The following PTPRD variants were observed in gnomAD, a reference collection of about 807,000 sequenced individuals.
PTPRD encodes receptor-type tyrosine-protein phosphatase delta.
Under a neutral mutation model 214.5 loss-of-function variants are expected in PTPRD, and 34 were observed. That is an observed-to-expected ratio of 0.16 (90% CI 0.12 to 0.21). The LOEUF (loss-of-function observed/expected upper bound fraction) is 0.21, where lower values mean the gene tolerates loss of function less well. Among genes scored for constraint, PTPRD ranks in the 10% least tolerant of loss-of-function variants. The pLI is 1.00. For missense variants in PTPRD, 2,545 were observed against 2,398.7 expected, an observed-to-expected ratio of 1.06 and a Z score of -1.27; for synonymous variants, 1,128 against 845.7, an observed-to-expected ratio of 1.33 and a Z score of -5.79.
At chr9:9,370,275 C>T (rs1337131312) in intron 9 of PTPRD, among the ~76,000 whole-genome samples, 1 of 152,040 alleles carries the variant, frequency 6.6e-6, no homozygotes, top group Admixed American at 6.6e-5. Context: ...TTTGTGTCCT[C>T]TTTTATTTCC....
rs150148807 is a variant in PTPRD, at chr9:10,411,848, A to C, written c.-599-70831T>G. 5.3e-3 allele frequency among the ~76,000 whole-genome samples: 802 copies of C among 151,940 alleles called. 5 individuals are homozygous for C. The highest frequency in any genetic ancestry group is 0.018 in the African/African-American group (745 of 41,510). On this transcript the variant is annotated intron_variant, in intron 2 of 45. Coordinates refer to ENST00000381196, the MANE Select transcript of PTPRD (RefSeq NM_002839.4). ...GTTAAAACATTAAAAACAAACTATT[A>C]AATATCCCATATAATCCATATTTAT...
intron 14 of PTPRD, among the ~76,000 whole-genome samples, chr9:8,558,728 G>A (rs10977202): frequency 0.15 from 22,165 of 152,074 alleles, 4,895 homozygotes; most frequent in African/African-American, 0.48. Flanking sequence ...TTTAGTTTAT[G>A]GTGAGTGTTC....
chr9:9,915,663 C>T (rs559437782), intron 5 of PTPRD, among the ~76,000 whole-genome samples: 1 of 150,188 alleles, frequency 6.7e-6, no homozygotes, highest in South Asian at 2.1e-4. Flanking sequence ...ACCTTGAAAA[C>T]AGATCTTTTT....
At chr9:8,388,705 T>C (rs1226440226) in intron 37 of PTPRD, among the ~76,000 whole-genome samples, 1 of 152,212 alleles carries the variant, frequency 6.6e-6, no homozygotes. Flanking sequence ...ACGCCCTCTA[T>C]GCATTTATGT....
At chr9:8,707,049 T>C (rs2098225147) in intron 12 of PTPRD, among the ~76,000 whole-genome samples, 1 of 152,218 alleles carries the variant, frequency 6.6e-6, no homozygotes, top group South Asian at 2.1e-4. Flanking sequence ...AATTAATGAT[T>C]TAATTACCTA....
At chr9:8,803,425 C>T (rs1208104839) in intron 11 of PTPRD, among the ~76,000 whole-genome samples, 2 of 152,170 alleles carry the variant, frequency 1.3e-5, no homozygotes, top group Admixed American at 6.5e-5. Context: ...CTCTTTGACA[C>T]TCCCTTTAGT....
intron 9 of PTPRD, among the ~76,000 whole-genome samples, chr9:9,384,343 C>CCTTTTTTTT (rs2063207087): frequency 3.0e-5 from 1 of 33,316 alleles, no homozygotes; most frequent in African/African-American, 7.6e-5. Context: ...GAAGACTAGG[C>CCTTTTTTTT]TTTTTTTTTT....
At chr9:10,255,164 G>C (rs974206820) in intron 3 of PTPRD, among the ~76,000 whole-genome samples, 3 of 152,154 alleles carry the variant, frequency 2.0e-5, no homozygotes, top group Admixed American at 1.3e-4. Context: ...TTTCACATGA[G>C]GTGATTTAAA....
At position 9,186,228 on chromosome 9, in the gene PTPRD, G is replaced by C. The variant is rs149563429; in HGVS notation, c.-202-2865C>G. On this transcript the variant is annotated intron_variant, in intron 9 of 45. Transcript: ENST00000381196. The stretch of plus-strand genomic sequence containing the variant: ...ACATGCTCAATCTGGGGGAGAGAAA[G>C]AAATGAACAAGGAGGAAATAACAAT... Among the ~76,000 whole-genome samples, 212 of 152,212 alleles carry C rather than the reference G, an allele frequency of 1.4e-3. 1 individual carries two copies. Among genetic ancestry groups the C allele is most frequent in the Non-Finnish European group, 2.8e-3 (190 of 67,988 alleles).
intron 3 of PTPRD, among the ~76,000 whole-genome samples, chr9:10,214,116 T>A (rs1261844456): frequency 6.6e-6 from 1 of 152,136 alleles, no homozygotes; most frequent in Non-Finnish European, 1.5e-5. Context: ...TTTGAAGGAA[T>A]TTTACTAGTA....
chr9:9,855,653 C>A (rs1418330517), intron 5 of PTPRD, among the ~76,000 whole-genome samples: 1 of 152,150 alleles, frequency 6.6e-6, no homozygotes, highest in African/African-American at 2.4e-5. Context: ...ACCAGCCAGC[C>A]GCTTCCGCAC....
chr9:8,617,471 T>C (rs2095651291), intron 14 of PTPRD, among the ~76,000 whole-genome samples: 1 of 152,118 alleles, frequency 6.6e-6, no homozygotes, highest in Non-Finnish European at 1.5e-5. Context: ...ATTACTAGGC[T>C]ACAATCAACA....
At chr9:8,783,076 C>T (rs910619803) in intron 11 of PTPRD, among the ~76,000 whole-genome samples, 1 of 152,166 alleles carries the variant, frequency 6.6e-6, no homozygotes, top group Admixed American at 6.5e-5. Context: ...CAACCCACCA[C>T]AAGAAGTTCG....
chr9:8,411,294 A>ATCT (rs1417523269), intron 35 of PTPRD, among the ~76,000 whole-genome samples: 5 of 148,200 alleles, frequency 3.4e-5, no homozygotes, highest in Non-Finnish European at 7.4e-5. Context: ...AAAATTTTTT[A>ATCT]TTTATCTTTT....
chr9:10,276,350 C>T (rs1272606027), intron 3 of PTPRD, among the ~76,000 whole-genome samples: 1 of 152,106 alleles, frequency 6.6e-6, no homozygotes, highest in Non-Finnish European at 1.5e-5. Flanking sequence ...TATTTGCCCC[C>T]AAGGACAATG....
chr9:10,533,259 C>T (rs2056904896), intron 2 of PTPRD, among the ~76,000 whole-genome samples: 3 of 152,180 alleles, frequency 2.0e-5, no homozygotes, highest in South Asian at 4.1e-4. Context: ...GCTAAATAAA[C>T]ATATTTTCTT....
At chr9:8,837,089 G>A (rs1158681957) in intron 11 of PTPRD, among the ~76,000 whole-genome samples, 2 of 144,382 alleles carry the variant, frequency 1.4e-5, no homozygotes, top group African/African-American at 5.2e-5. Context: ...GCAGTGGTAC[G>A]ATCTCCGCTC....
intron 7 of PTPRD, among the ~76,000 whole-genome samples, chr9:9,575,501 A>T (rs2088202590): frequency 6.6e-6 from 1 of 151,778 alleles, no homozygotes; most frequent in South Asian, 2.1e-4. Context: ...TGGGTAGATC[A>T]CAAGGTCAGG....
chr9:8,593,795 C>T (rs1272341864), intron 14 of PTPRD, among the ~76,000 whole-genome samples: 2 of 152,110 alleles, frequency 1.3e-5, no homozygotes, highest in Non-Finnish European at 2.9e-5. Flanking sequence ...TCATAGCACC[C>T]TTGGCAAATG....
Sources: allele counts gnomAD v4.1 joint callset (sites outside exome capture counted in the v4.1 genomes callset), GRCh38; gene constraint gnomAD v4.1.1; transcripts MANE v1.5; gene names NCBI Gene and HGNC (gene_info 2026-07-23, HGNC 2026-07-21).